The following MYCBP2 variants were observed in gnomAD, a reference collection of about 807,000 sequenced individuals.
The protein encoded by MYCBP2 is MYC binding protein 2, also known as E3 ubiquitin-protein ligase MYCBP2.
A neutral mutation model predicts 525.3 loss-of-function variants in MYCBP2; 120 were observed. The observed-to-expected ratio is 0.23, with a 90% confidence interval of 0.20 to 0.27. The LOEUF (loss-of-function observed/expected upper bound fraction) is 0.27, where lower values mean the gene tolerates loss of function less well. MYCBP2 is among the 10% of genes least tolerant of loss of function. The probability of loss-of-function intolerance (pLI) is 1.00; values close to 1 mark genes in which losing one functional copy is unlikely to be tolerated. For missense variants in MYCBP2, 4,149 were observed against 5,657.1 expected (o/e 0.73, Z 8.55); for synonymous variants, 1,894 against 1,955.8 (o/e 0.97, Z 0.83).
At position 77,185,359 on chromosome 13, in the gene MYCBP2, A is replaced by C; in HGVS notation, c.4463T>G (p.Val1488Gly). The C allele has an allele frequency of 6.2e-7, 1 of 1,611,918 alleles. No individual in the cohort carries two copies. Among genetic ancestry groups the C allele is most frequent in the Non-Finnish European group, 8.5e-7 (1 of 1,178,450 alleles). Residue 1488 changes from valine to glycine, a missense_variant, in exon 32 of 83, where the codon GTA becomes GGA. Coordinates refer to ENST00000544440, the MANE Select transcript of MYCBP2 (RefSeq NM_015057.5). The part of the protein sequence containing the change: ...YPVSATGKAV[V>G]EETSKLAECI... ...CTCTGCTAATTTGCTAGTTTCTTCT[A>C]CAACTGCTTTTCCTGTAGCTTTGAG... is the stretch of plus-strand genomic sequence containing the variant.
At chr13:77,145,422 C>T (rs1757644143) in intron 48 of MYCBP2, among the ~76,000 whole-genome samples, 1 of 152,040 alleles carries the variant, frequency 6.6e-6, no homozygotes, top group Non-Finnish European at 1.5e-5. Context: ...TAAGGAATGC[C>T]CCAGGATTTG....
chr13:77,282,493 A>T (rs2076300271), intron 3 of MYCBP2, among the ~76,000 whole-genome samples: 1 of 152,032 alleles, frequency 6.6e-6, no homozygotes, highest in Admixed American at 6.6e-5. Flanking sequence ...GACTACTACC[A>T]TCTTCTTCCC....
At position 77,121,139 on chromosome 13, in the gene MYCBP2, A is replaced by T. The variant is rs9573998; in HGVS notation, c.8140+234T>A. The T allele has an allele frequency of 8.2e-3, 2,277 of 276,806 alleles. 119 individuals are homozygous for T. The Admixed American group carries it at 0.083, about 10-fold the overall frequency. The allele number at this position is 276,806 out of a possible 1,614,324, so 17.1% of individuals were successfully genotyped here. ...AATGAGTGTTTTTTAAATAGAAAAA[A>T]AATAAGCAAGCACTCTCATAAACTT... On this transcript the variant is annotated intron_variant, in intron 55 of 82. Coordinates refer to ENST00000544440, the MANE Select transcript of MYCBP2 (RefSeq NM_015057.5).
intron 37 of MYCBP2, among the ~76,000 whole-genome samples, chr13:77,172,546 G>C (rs564941565): frequency 2.6e-5 from 4 of 152,174 alleles, no homozygotes; most frequent in Non-Finnish European, 5.9e-5. Context: ...GACTAGTTTA[G>C]AGGCTTATTA....
At chr13:77,200,289 T>C (rs1350506999) in intron 26 of MYCBP2, among the ~76,000 whole-genome samples, 1 of 151,988 alleles carries the variant, frequency 6.6e-6, no homozygotes, top group Non-Finnish European at 1.5e-5. Context: ...AGAAAGGGTA[T>C]CAGCGATGGA....
chr13:77,081,277 G>A lies in MYCBP2; in HGVS notation c.11418+150C>T, dbSNP rs2043267126. On this transcript the variant is annotated intron_variant, in intron 65 of 82. Coordinates refer to ENST00000544440, the MANE Select transcript of MYCBP2 (RefSeq NM_015057.5). The surrounding 1 kb of genome is among the most constrained non-coding windows in gnomAD (Gnocchi z 4.6). ...TCCCAATCATATTAATTTGTTTTTA[G>A]ACTTAAGATTTATTTGGGGATTATA... 1 of 680,826 alleles carries A rather than the reference G, an allele frequency of 1.5e-6. No homozygotes were observed. Among genetic ancestry groups the A allele is most frequent in the Non-Finnish European group, 2.5e-6 (1 of 401,350 alleles). 42.2% of individuals were successfully genotyped at this position (680,826 alleles called of 1,614,324 possible).
intron 34 of MYCBP2, among the ~76,000 whole-genome samples, chr13:77,178,304 AAC>A (rs1214604182): frequency 1.3e-5 from 2 of 152,248 alleles, no homozygotes; most frequent in African/African-American, 4.8e-5. Context: ...TCTATAGATC[AAC>A]AGTTTTCAAA....
At chr13:77,291,743 C>A (rs548339623) in intron 2 of MYCBP2, among the ~76,000 whole-genome samples, 2 of 148,830 alleles carry the variant, frequency 1.3e-5, no homozygotes, top group East Asian at 3.9e-4. Flanking sequence ...CTCTAACCTG[C>A]GGAACAAGAG....
At chr13:77,280,823 T>C (rs1567142898) in intron 3 of MYCBP2, among the ~76,000 whole-genome samples, 1 of 152,238 alleles carries the variant, frequency 6.6e-6, no homozygotes, top group Non-Finnish European at 1.5e-5. Context: ...ACTCTTCATC[T>C]GTCTGGGTTA....
intron 71 of MYCBP2, among the ~76,000 whole-genome samples, chr13:77,067,114 T>C (rs696780): frequency 0.099 from 15,012 of 152,214 alleles, 991 homozygotes; most frequent in African/African-American, 0.18. Context: ...TCCTATATGA[T>C]TTTGGGTTCT....
rs2063388996 is a variant in MYCBP2, at chr13:77,206,763, G to C, written c.3479C>G (p.Pro1160Arg). 2 of 1,611,256 alleles carry C rather than the reference G, an allele frequency of 1.2e-6. No individual in the cohort carries two copies. The highest frequency in any genetic ancestry group is 1.7e-6 in the Non-Finnish European group (2 of 1,178,376). Reference sequence around the variant, plus strand: ...TCTGGACTGCATGTCTGCTGCAGAGGGAAGCCTGGCATCAGCAACCACCGC... The same window carrying C: ...TCTGGACTGCATGTCTGCTGCAGAGCGAAGCCTGGCATCAGCAACCACCGC... ...YNAVVADARL[P>R]SAADMQSRCS... The change falls in exon 24 of 83, where the codon CCC becomes CGC. Residue 1160 changes from proline (P) to arginine (R), a missense_variant. Transcript: ENST00000544440.
intron 46 of MYCBP2, among the ~76,000 whole-genome samples, chr13:77,153,509 A>G (rs1044638127): frequency 1.3e-5 from 2 of 152,236 alleles, no homozygotes; most frequent in Non-Finnish European, 2.9e-5. Flanking sequence ...ATTTCAATTT[A>G]ACCTTTCTGT....
chr13:77,287,967 CTT>C (rs2077061293), intron 3 of MYCBP2, among the ~76,000 whole-genome samples, 192 bp downstream of exon 3: 1 of 152,178 alleles, frequency 6.6e-6, no homozygotes, highest in African/African-American at 2.4e-5. Flanking sequence ...CAATTATTGA[CTT>C]TGTTAGCACC....
At chr13:77,288,974 A>G (rs1300062848) in intron 2 of MYCBP2, among the ~76,000 whole-genome samples, 2 of 152,218 alleles carry the variant, frequency 1.3e-5, no homozygotes, top group African/African-American at 4.8e-5. Flanking sequence ...TGTTAAGACT[A>G]AACAGTTTCT....
chr13:77,207,338 A>G (rs1342167864), intron 23 of MYCBP2, among the ~76,000 whole-genome samples: 3 of 152,218 alleles, frequency 2.0e-5, no homozygotes, highest in African/African-American at 7.2e-5. Flanking sequence ...GTAAAAACCA[A>G]TTAAAAACTA....
At chr13:77,140,022 T>C (rs758239852) in intron 51 of MYCBP2, 25 bp downstream of exon 51, 2 of 1,510,492 alleles carry the variant, frequency 1.3e-6, no homozygotes, top group South Asian at 2.4e-5. Flanking sequence ...CAAAATTTAC[T>C]ACCAAAAGCT....
chr13:77,185,489 T>G, intron 31 of MYCBP2, 112 bp from the exon 32 acceptor site: 3 of 1,141,574 alleles, frequency 2.6e-6, no homozygotes. Context: ...AGTACTAATA[T>G]CTTAGAAATG....
chr13:77,156,091 C>G lies in MYCBP2; in HGVS notation c.6882G>C (p.Gln2294His), dbSNP rs767703997. Residue 2294 changes from glutamine (Q) to histidine (H), a missense_variant, in exon 46 of 83, where the codon CAG becomes CAC. Gln to His is a conservative substitution (Grantham distance 24). Around this residue, in one of 21 missense-constraint regions of MYCBP2, gnomAD observed 692 missense variants for 852.7 expected, o/e 0.81. Transcript: ENST00000544440. ...PTTITVQTKD[Q>H]YGDVVHVPNM... ...TGGGAACATGTACCACATCCCCATA[C>G]TGGTCTTTTGTTTGAACAGTTATGG... 1.7e-5 allele frequency: 28 copies of G among 1,613,874 alleles called. 1 individual carries two copies. In the South Asian group the frequency reaches 3.0e-4, roughly 17 times the overall value.
intron 66 of MYCBP2, among the ~76,000 whole-genome samples, chr13:77,078,553 A>C: frequency 6.6e-6 from 1 of 152,150 alleles, no homozygotes; most frequent in East Asian, 1.9e-4. Flanking sequence ...AGATACCCTG[A>C]GTCTTTGTTG....
Sources: gnomAD v4.1 joint callset for allele counts (sites outside exome capture counted in the v4.1 genomes callset) on GRCh38, gnomAD v4.1.1 for gene constraint, gnomAD v4.1.1 regional missense constraint, Gnocchi (gnomAD v3.1) non-coding constraint, MANE v1.5 for transcripts, NCBI Gene and HGNC (gene_info 2026-07-23, HGNC 2026-07-21) for gene names.